The following CNTN5 variants were observed in gnomAD, a reference collection of about 807,000 sequenced individuals.
The protein encoded by CNTN5 is contactin 5, also known as contactin-5.
A neutral mutation model predicts 129.1 loss-of-function variants in CNTN5; 77 were observed. That is an observed-to-expected ratio of 0.60 (90% CI 0.50 to 0.72). The LOEUF is 0.72. CNTN5 is among the 30% of genes least tolerant of loss of function. The pLI, the probability that CNTN5 is intolerant of heterozygous loss-of-function variation, is 0.00. For missense variants in CNTN5, 1,478 were observed against 1,328.8 expected, an observed-to-expected ratio of 1.11 and a Z score of -1.75; for synonymous variants, 509 against 465.6, an observed-to-expected ratio of 1.09 and a Z score of -1.20.
intron 13 of CNTN5, among the ~76,000 whole-genome samples, chr11:100,174,495 T>G (rs749060532): frequency 2.0e-5 from 3 of 152,096 alleles, no homozygotes; most frequent in Non-Finnish European, 2.9e-5. Context: ...CATGGAAGTT[T>G]CCACACAAAA....
intron 1 of CNTN5, among the ~76,000 whole-genome samples, chr11:99,036,349 A>T (rs530343805): frequency 6.6e-6 from 1 of 152,152 alleles, no homozygotes; most frequent in African/African-American, 2.4e-5. Context: ...AGAAGTAGTC[A>T]TCATTTTATA....
intron 1 of CNTN5, among the ~76,000 whole-genome samples, chr11:99,203,720 C>T (rs1291084717): frequency 6.6e-6 from 1 of 152,034 alleles, no homozygotes; most frequent in East Asian, 1.9e-4. Flanking sequence ...TGATAGGCCT[C>T]CCGAGTAGCT....
At chr11:100,110,140 T>C (rs141860968) in intron 13 of CNTN5, among the ~76,000 whole-genome samples, 1,555 of 148,108 alleles carry the variant, frequency 0.01, 12 homozygotes, top group Non-Finnish European at 0.019. Flanking sequence ...TGAGCAGAGA[T>C]GGCGCCACTG....
chr11:99,575,786 G>A (rs1949326671), intron 3 of CNTN5, among the ~76,000 whole-genome samples: 1 of 152,166 alleles, frequency 6.6e-6, no homozygotes, highest in Admixed American at 6.5e-5. Flanking sequence ...GACAGGAGGA[G>A]GTGACTTCAG....
At chr11:100,248,376 C>T (rs544868263) in intron 16 of CNTN5, among the ~76,000 whole-genome samples, 1 of 151,912 alleles carries the variant, frequency 6.6e-6, no homozygotes, top group African/African-American at 2.4e-5. Flanking sequence ...GAGACCCCAT[C>T]TCTATAAAAA....
chr11:100,156,360 T>C (rs11223003), intron 13 of CNTN5, among the ~76,000 whole-genome samples: 11,061 of 152,186 alleles, frequency 0.073, 408 homozygotes, highest in Non-Finnish European at 0.082. Context: ...GCTGACTTGA[T>C]CATGGTGGAT....
intron 2 of CNTN5, among the ~76,000 whole-genome samples, chr11:99,393,862 C>A (rs1941390881): frequency 6.6e-6 from 1 of 151,618 alleles, no homozygotes; most frequent in Non-Finnish European, 1.5e-5. Flanking sequence ...TTAGTGGGCA[C>A]ACACTAAATT....
At chr11:99,082,390 G>T (rs1438386895) in intron 1 of CNTN5, among the ~76,000 whole-genome samples, 1 of 152,030 alleles carries the variant, frequency 6.6e-6, no homozygotes, top group African/African-American at 2.4e-5. Context: ...TCACCATGTT[G>T]GCCAGGGTGG....
At chr11:99,227,297 T>C (rs980391326) in intron 1 of CNTN5, among the ~76,000 whole-genome samples, 3 of 151,750 alleles carry the variant, frequency 2.0e-5, no homozygotes, top group African/African-American at 7.3e-5. Flanking sequence ...GAGGCAAAGA[T>C]TGCAGTTAGC....
At chr11:99,972,731 A>T (rs1937658369) in intron 8 of CNTN5, among the ~76,000 whole-genome samples, 2 of 152,162 alleles carry the variant, frequency 1.3e-5, no homozygotes, top group African/African-American at 2.4e-5. Context: ...CACCATCTGG[A>T]CATACCTAGA....
chr11:100,167,639 T>C (rs1269310749), intron 13 of CNTN5, among the ~76,000 whole-genome samples: 1 of 151,898 alleles, frequency 6.6e-6, no homozygotes, highest in Non-Finnish European at 1.5e-5. Flanking sequence ...ATCCTATGCA[T>C]ATGTGTAACA....
intron 3 of CNTN5, among the ~76,000 whole-genome samples, chr11:99,616,893 C>T (rs1950776803): frequency 6.6e-6 from 1 of 152,154 alleles, no homozygotes; most frequent in South Asian, 2.1e-4. Context: ...GGTCGATGAC[C>T]TGAGGTCAGG....
chr11:99,818,417 G>A (rs11221513), intron 3 of CNTN5, among the ~76,000 whole-genome samples: 56,682 of 151,900 alleles, frequency 0.37, 11,022 homozygotes, highest in East Asian at 0.62. Flanking sequence ...CACCACATGT[G>A]GCTAACTTTT....
chr11:99,040,676 T>C (rs1171964387), intron 1 of CNTN5, among the ~76,000 whole-genome samples: 3 of 152,162 alleles, frequency 2.0e-5, no homozygotes, highest in African/African-American at 4.8e-5. Flanking sequence ...CAAGCTGACA[T>C]CTGATGACAT....
chr11:99,861,304 A>G (rs1948200160), intron 6 of CNTN5, among the ~76,000 whole-genome samples: 1 of 152,164 alleles, frequency 6.6e-6, no homozygotes, highest in East Asian at 1.9e-4. Context: ...AGTGTTGCAT[A>G]GTTCTCCTTG....
chr11:99,331,383 A>T (rs1258669860), intron 2 of CNTN5, among the ~76,000 whole-genome samples: 1 of 152,132 alleles, frequency 6.6e-6, no homozygotes, highest in South Asian at 2.1e-4. Context: ...ATAACTATAG[A>T]TAGATGTAGG....
intron 17 of CNTN5, among the ~76,000 whole-genome samples, chr11:100,264,555 G>A (rs1243158717): frequency 6.6e-6 from 1 of 152,130 alleles, no homozygotes; most frequent in Admixed American, 6.6e-5. Context: ...GGCAAAGGAT[G>A]TGAACTCATT....
intron 18 of CNTN5, among the ~76,000 whole-genome samples, chr11:100,283,984 C>T (rs2138828826): frequency 6.6e-6 from 1 of 152,064 alleles, no homozygotes; most frequent in East Asian, 1.9e-4. Context: ...TAAATAAATT[C>T]CCTCTGTGGG....
chr11:100,129,912 C>T (rs763739915), intron 13 of CNTN5, among the ~76,000 whole-genome samples: 3 of 151,962 alleles, frequency 2.0e-5, no homozygotes, highest in Non-Finnish European at 4.4e-5. Context: ...TTGTGCTAAT[C>T]ATTAGTCGTG....
Sources: allele counts gnomAD v4.1 joint callset (sites outside exome capture counted in the v4.1 genomes callset), GRCh38; gene constraint gnomAD v4.1.1; transcripts MANE v1.5; gene names NCBI Gene and HGNC (gene_info 2026-07-23, HGNC 2026-07-21).